The following CACNA1D variants were observed in gnomAD, a reference collection of about 807,000 sequenced individuals.
CACNA1D encodes voltage-dependent L-type calcium channel subunit alpha-1D.
Under a neutral mutation model 257.1 loss-of-function variants are expected in CACNA1D, and 55 were observed. That is an observed-to-expected ratio of 0.21 (90% confidence interval 0.17 to 0.27). The LOEUF (loss-of-function observed/expected upper bound fraction) is 0.27, where lower values mean the gene tolerates loss of function less well. CACNA1D is among the 10% of genes least tolerant of loss of function. The pLI, the probability that CACNA1D is intolerant of heterozygous loss-of-function variation, is 1.00. For missense variants in CACNA1D, 1,876 were observed against 2,784.0 expected, an observed-to-expected ratio of 0.67 and a Z score of 7.34; for synonymous variants, 980 against 1,014.9, an observed-to-expected ratio of 0.97 and a Z score of 0.65.
In CACNA1D at chr3:53,555,436, G is replaced by GT. The variant is rs1491117529; in HGVS notation, c.483+53716_483+53717insT. ...TTGCTCTCTGGCTGCTTTTTCTGGT[G>GT]GGTGTGTGTGTGTGTGTGTGTGTGT... On this transcript the variant is annotated intron_variant, in intron 3 of 47. Coordinates refer to ENST00000350061, the MANE Select transcript of CACNA1D (RefSeq NM_001128840.3). 8.6e-4 allele frequency among the ~76,000 whole-genome samples: 85 copies of GT among 98,534 alleles called. 2 individuals carry two copies. The highest frequency in any genetic ancestry group is 8.8e-3 in the Middle Eastern group (2 of 226). The allele number at this position is 98,534 out of a possible 152,430, so 64.6% of individuals were successfully genotyped here. A position where few individuals can be genotyped will look rare whatever the true frequency, so the allele number is the denominator to read the frequency against.
At chr3:53,701,182 C>T (rs971926603) in intron 8 of CACNA1D, among the ~76,000 whole-genome samples, 1 of 152,110 alleles carries the variant, frequency 6.6e-6, no homozygotes, top group Admixed American at 6.6e-5. Flanking sequence ...TGCTCTGTTG[C>T]CCAGGCTGGA....
chr3:53,585,963 C>A (rs1445420975), intron 3 of CACNA1D, among the ~76,000 whole-genome samples: 1 of 152,168 alleles, frequency 6.6e-6, no homozygotes, highest in Non-Finnish European at 1.5e-5. Flanking sequence ...CCTGGAGTCC[C>A]TGCCTCCGAG....
intron 3 of CACNA1D, among the ~76,000 whole-genome samples, chr3:53,636,009 C>A (rs1013746873): frequency 4.6e-5 from 7 of 152,136 alleles, no homozygotes; most frequent in African/African-American, 1.7e-4. Context: ...TCTTTCTGAC[C>A]ATTGGGTTTG....
At chr3:53,497,914 C>T (rs1400510645) in intron 2 of CACNA1D, among the ~76,000 whole-genome samples, 1 of 152,200 alleles carries the variant, frequency 6.6e-6, no homozygotes, top group Non-Finnish European at 1.5e-5. Flanking sequence ...AGAATCTTCT[C>T]ATTCTGATGT....
At chr3:53,517,938 T>A (rs2091408937) in intron 3 of CACNA1D, among the ~76,000 whole-genome samples, 1 of 152,272 alleles carries the variant, frequency 6.6e-6, no homozygotes, top group African/African-American at 2.4e-5. Context: ...CAAATGTTAT[T>A]TCCTAGTTTT....
intron 7 of CACNA1D, among the ~76,000 whole-genome samples, chr3:53,671,035 C>T (rs563651523): frequency 6.6e-6 from 1 of 152,336 alleles, no homozygotes; most frequent in South Asian, 2.1e-4. Context: ...GGACTGTATT[C>T]ATCTCCAGCC....
Position 53,562,391 on chromosome 3 carries a change from G to A in CACNA1D, c.483+60671G>A, listed in dbSNP as rs1260829768. The stretch of plus-strand genomic sequence containing the variant: ...TCTACAGATACAGTCCATATTCTCT[G>A]ATATGTAGCTCTAAATTCAGAAATC... On this transcript the variant is annotated intron_variant, in intron 3 of 47. Transcript: ENST00000350061. Among the ~76,000 whole-genome samples the A allele has an allele frequency of 3.3e-5, 5 of 152,216 alleles. No individual in the cohort carries two copies. The East Asian group carries it at 9.6e-4, about 29-fold the overall frequency.
chr3:53,754,610 A>G (rs2095250966), intron 29 of CACNA1D, among the ~76,000 whole-genome samples: 1 of 152,204 alleles, frequency 6.6e-6, no homozygotes, highest in Admixed American at 6.5e-5. Context: ...CACCCTCATC[A>G]TCATCAAGCA....
chr3:53,720,967 C>A (rs1171339956), intron 11 of CACNA1D, among the ~76,000 whole-genome samples: 1 of 152,110 alleles, frequency 6.6e-6, no homozygotes, highest in Non-Finnish European at 1.5e-5. Context: ...AATGTTTGTA[C>A]CAGTTTTATT....
Position 53,811,281 on chromosome 3 carries a change from C to T in CACNA1D, c.6361C>T (p.Pro2121Ser), listed in dbSNP as rs148707870. The change falls in exon 48 of 48, where the codon CCC (proline) becomes TCC (serine). Residue 2121 changes from proline (P) to serine (S), a missense_variant. Physicochemically the swap from Pro to Ser is moderately conservative, Grantham distance 74 (BLOSUM62 -1). Around this residue, in one of 10 missense-constraint regions of CACNA1D, gnomAD observed 491 missense variants for 554.3 expected, o/e 0.89. Transcript: ENST00000350061. This position sits in a 1 kb window ranked among gnomAD's most constrained non-coding sequence, Gnocchi z 4.2. ...VRPRANGDVGPLSHRQDYELQ... is the reference protein window; with the variant it reads ...VRPRANGDVGSLSHRQDYELQ... ...TCCCCGAGCCAACGGGGATGTGGGCCCCCTCTCACACCGGCAGGACTATGA... is the reference window on the plus strand; with the variant it reads ...TCCCCGAGCCAACGGGGATGTGGGCTCCCTCTCACACCGGCAGGACTATGA... The T allele has an allele frequency of 7.4e-5, 119 of 1,613,816 alleles. No individual in the cohort carries two copies. Among genetic ancestry groups the T allele is most frequent in the Non-Finnish European group, 9.7e-5 (114 of 1,180,036 alleles).
At chr3:53,552,104 C>A (rs992778289) in intron 3 of CACNA1D, among the ~76,000 whole-genome samples, 1 of 152,200 alleles carries the variant, frequency 6.6e-6, no homozygotes, top group Non-Finnish European at 1.5e-5. Flanking sequence ...CAGTGCAGTA[C>A]CCTGGAAAAT....
chr3:53,760,560 G>C (rs145328345), intron 29 of CACNA1D, among the ~76,000 whole-genome samples: 1 of 152,274 alleles, frequency 6.6e-6, no homozygotes, highest in African/African-American at 2.4e-5. Flanking sequence ...CAGTCAGTCC[G>C]TTGCCTCTTT....
intron 3 of CACNA1D, among the ~76,000 whole-genome samples, chr3:53,578,059 C>T (rs1259197638): frequency 2.6e-5 from 4 of 152,146 alleles, no homozygotes; most frequent in Non-Finnish European, 4.4e-5. Flanking sequence ...CAGAACACCC[C>T]AAAGTCTGTG....
intron 20 of CACNA1D, among the ~76,000 whole-genome samples, chr3:53,737,518 T>C (rs1421405305): frequency 6.6e-6 from 1 of 152,150 alleles, no homozygotes; most frequent in East Asian, 1.9e-4. Context: ...GGATACTGAC[T>C]GTACTAAGAA....
intron 29 of CACNA1D, among the ~76,000 whole-genome samples, chr3:53,754,215 A>G (rs1050500844): frequency 6.6e-6 from 1 of 152,200 alleles, no homozygotes; most frequent in Non-Finnish European, 1.5e-5. Flanking sequence ...GAAAAATTTC[A>G]CTTGACTTTA....
chr3:53,678,739 G>T (rs528711643), intron 8 of CACNA1D, among the ~76,000 whole-genome samples: 1 of 152,162 alleles, frequency 6.6e-6, no homozygotes, highest in Admixed American at 6.5e-5. Context: ...TGGTGCTGGT[G>T]CCGGTGTACT....
chr3:53,758,610 G>T lies in CACNA1D; in HGVS notation c.3787-3388G>T, dbSNP rs147681184. ...CATAGTGGTGCTTCCTGACCCTGAG[G>T]CCCACATTAGTCTGGTTTATGATTT... On this transcript the variant is annotated intron_variant, in intron 29 of 47. Coordinates refer to ENST00000350061, the MANE Select transcript of CACNA1D (RefSeq NM_001128840.3). 2.2e-3 allele frequency among the ~76,000 whole-genome samples: 340 copies of T among 152,282 alleles called. 2 individuals carry two copies. Among genetic ancestry groups the T allele is most frequent in the African/African-American group, 7.9e-3 (330 of 41,552 alleles).
At chr3:53,535,276 C>A (rs59422128) in intron 3 of CACNA1D, among the ~76,000 whole-genome samples, 32,544 of 152,084 alleles carry the variant, frequency 0.21, 3,514 homozygotes, top group Non-Finnish European at 0.24. Flanking sequence ...GCAATCACAG[C>A]CTCCCGTCGC....
chr3:53,577,964 G>A (rs2093065769), intron 3 of CACNA1D, among the ~76,000 whole-genome samples: 1 of 151,798 alleles, frequency 6.6e-6, no homozygotes, highest in South Asian at 2.1e-4. Context: ...ATTTTAAGAG[G>A]GGGGTTGGTA....
Sources: allele counts gnomAD v4.1 joint callset (sites outside exome capture counted in the v4.1 genomes callset), GRCh38; gene constraint gnomAD v4.1.1; regional missense constraint gnomAD v4.1.1; non-coding constraint Gnocchi (gnomAD v3.1); transcripts MANE v1.5; gene names NCBI Gene and HGNC (gene_info 2026-07-23, HGNC 2026-07-21).